The following PPFIA1 variants were observed in gnomAD, a reference collection of about 807,000 sequenced individuals.
PPFIA1 encodes the protein liprin-alpha-1.
PPFIA1 carries 25 observed loss-of-function variants against 149.9 expected under a neutral mutation model. That is an observed-to-expected ratio of 0.17 (90% CI 0.12 to 0.23). PPFIA1 has a LOEUF of 0.23. Ranked by LOEUF, PPFIA1 falls within the 10% of genes least tolerant of loss-of-function variation. The probability of loss-of-function intolerance (pLI) is 1.00; values close to 1 mark genes in which losing one functional copy is unlikely to be tolerated. For synonymous variants in PPFIA1, 549 were observed against 552.8 expected (o/e 0.99, Z 0.10); for missense variants, 1,362 against 1,506.5 (o/e 0.90, Z 1.59).
chr11:70,304,325 T>C (rs748910197), intron 2 of PPFIA1, among the ~76,000 whole-genome samples: 1 of 151,866 alleles, frequency 6.6e-6, no homozygotes, highest in South Asian at 2.1e-4. Flanking sequence ...GGGTCCTTTG[T>C]GATAGCCTTT....
intron 26 of PPFIA1, among the ~76,000 whole-genome samples, chr11:70,378,850 A>C (rs1180618249): frequency 6.6e-6 from 1 of 152,166 alleles, no homozygotes; most frequent in Non-Finnish European, 1.5e-5. Context: ...CTTTGATTTG[A>C]GGTTAACAGT....
chr11:70,314,567 C>T (rs1259463020), intron 2 of PPFIA1, among the ~76,000 whole-genome samples: 1 of 152,148 alleles, frequency 6.6e-6, no homozygotes, highest in Non-Finnish European at 1.5e-5. Flanking sequence ...GGGTAACCAG[C>T]ATCAGCAGCT....
intron 2 of PPFIA1, among the ~76,000 whole-genome samples, chr11:70,274,448 C>T (rs1360074207): frequency 6.6e-6 from 1 of 152,154 alleles, no homozygotes; most frequent in Non-Finnish European, 1.5e-5. Flanking sequence ...TCCCCCAGAG[C>T]TAACCAAGGT....
intron 23 of PPFIA1, chr11:70,374,573 G>C (rs2057404618): frequency 4.8e-6 from 1 of 209,750 alleles, no homozygotes; most frequent in African/African-American, 2.3e-5. Flanking sequence ...GTCTGTGTGT[G>C]AAGCATGTTT....
rs773023201 is a variant in PPFIA1 at position 70,326,662 on chromosome 11, C to T, written c.774C>T (p.Ile258=). Reference sequence around the variant, plus strand: ...CTAAAGTAATTGAGCTCCAAGAAATCATAAGTAAGCAGTCAAGGGAACAGA... The same window carrying T: ...CTAAAGTAATTGAGCTCCAAGAAATTATAAGTAAGCAGTCAAGGGAACAGA... ...DLAKVIELQE[I]ISKQSREQSQ... is the part of the protein sequence containing the mutation. The change falls in exon 7 of 28, where the codon ATC becomes ATT. Residue 258 remains isoleucine, a synonymous_variant. Coordinates refer to ENST00000253925, the MANE Select transcript of PPFIA1 (RefSeq NM_003626.5). The T allele has an allele frequency of 6.2e-6, 10 of 1,614,096 alleles. No homozygotes were observed. Among genetic ancestry groups the T allele is most frequent in the Middle Eastern group, 1.6e-4 (1 of 6,062 alleles).
chr11:70,325,610 G>A (rs199792490), intron 5 of PPFIA1, 36 bp downstream of exon 5: 5 of 1,444,534 alleles, frequency 3.5e-6, no homozygotes, highest in South Asian at 1.1e-5. Flanking sequence ...TGAATTGGGG[G>A]GGGGTTATTT....
At chr11:70,311,042 T>C (rs1022277525) in intron 2 of PPFIA1, among the ~76,000 whole-genome samples, 1 of 152,174 alleles carries the variant, frequency 6.6e-6, no homozygotes, top group Non-Finnish European at 1.5e-5. Context: ...TCTTGGAGGA[T>C]TTTTGTTAGC....
chr11:70,288,091 T>C (rs1021868934), intron 2 of PPFIA1, among the ~76,000 whole-genome samples: 15 of 151,968 alleles, frequency 9.9e-5, no homozygotes, highest in Admixed American at 2.6e-4. Context: ...TTTTTCTTTT[T>C]TGAGACGGAG....
At chr11:70,329,855 G>A (rs574843192) in intron 7 of PPFIA1, 16 of 242,962 alleles carry the variant, frequency 6.6e-5, no homozygotes, top group African/African-American at 3.6e-4. Flanking sequence ...TTGAGCCTGG[G>A]AAGTCAAGGC....
intron 2 of PPFIA1, among the ~76,000 whole-genome samples, chr11:70,286,354 C>G (rs924099482): frequency 2.0e-5 from 3 of 152,128 alleles, no homozygotes; most frequent in Non-Finnish European, 4.4e-5. Context: ...CGGGTTCAAG[C>G]GATTCTCCTC....
At chr11:70,374,266 C>T (rs1014795656) in intron 23 of PPFIA1, 1 of 152,138 alleles carries the variant, frequency 6.6e-6, no homozygotes, top group Non-Finnish European at 1.5e-5. Context: ...CCTCAGGAGG[C>T]TGAGGTGGGA....
chr11:70,360,758 G>A (rs1019391742), intron 19 of PPFIA1, among the ~76,000 whole-genome samples: 4 of 152,208 alleles, frequency 2.6e-5, no homozygotes, highest in Non-Finnish European at 4.4e-5. Context: ...ATGTATTGAA[G>A]AGCCAATATC....
chr11:70,284,558 G>A (rs1208438054), intron 2 of PPFIA1, among the ~76,000 whole-genome samples: 2 of 152,212 alleles, frequency 1.3e-5, no homozygotes, highest in Admixed American at 6.5e-5. Flanking sequence ...GCAGGTGCAG[G>A]TTGCGAGACA....
intron 19 of PPFIA1, among the ~76,000 whole-genome samples, chr11:70,361,090 TAG>T (rs1451484523): frequency 4.6e-5 from 7 of 152,220 alleles, no homozygotes; most frequent in African/African-American, 9.6e-5. Context: ...GGGGATTCTG[TAG>T]AGAGTCAGAG....
At chr11:70,311,767 ATAACT>A (rs1361921113) in intron 2 of PPFIA1, among the ~76,000 whole-genome samples, 3 of 151,754 alleles carry the variant, frequency 2.0e-5, no homozygotes, top group South Asian at 2.1e-4. Flanking sequence ...AAGAGGAATA[ATAACT>A]TAAGTGACAT....
chr11:70,330,274 T>C lies in PPFIA1; in HGVS notation c.1032T>C (p.Asp344=). ...REATSVHDLN[D]KLENEIANKD... is the part of the protein sequence containing the mutation. ...CCACATCTGTGCATGACCTCAATGA[T>C]AAACTTGAAAATGAAATTGCAAATA... The change falls in exon 8 of 28, where the codon GAT becomes GAC. Residue 344 remains aspartate, a synonymous_variant. Transcript: ENST00000253925. 1 of 1,583,230 alleles carries C rather than the reference T, an allele frequency of 6.3e-7. No individual in the cohort carries two copies. Among genetic ancestry groups the C allele is most frequent in the Non-Finnish European group, 8.6e-7 (1 of 1,169,412 alleles).
At chr11:70,275,180 G>C (rs900103337) in intron 2 of PPFIA1, among the ~76,000 whole-genome samples, 1 of 152,160 alleles carries the variant, frequency 6.6e-6, no homozygotes, top group Non-Finnish European at 1.5e-5. Flanking sequence ...TGAATTTGCT[G>C]CTCCCTGATG....
intron 21 of PPFIA1, 61 bp downstream of exon 21, chr11:70,362,549 A>G: frequency 3.4e-6 from 5 of 1,489,968 alleles, no homozygotes; most frequent in Non-Finnish European, 4.5e-6. Context: ...TGAAGGTATC[A>G]CTGCCCTGTT....
chr11:70,369,647 T>A (rs73521320), intron 21 of PPFIA1, among the ~76,000 whole-genome samples: 3,601 of 152,342 alleles, frequency 0.024, 160 homozygotes, highest in African/African-American at 0.083. Context: ...AACTTCAGGT[T>A]CTAATAGAGA....
Sources: gnomAD v4.1 joint callset for allele counts (sites outside exome capture counted in the v4.1 genomes callset) on GRCh38, gnomAD v4.1.1 for gene constraint, MANE v1.5 for transcripts, NCBI Gene and HGNC (gene_info 2026-07-23, HGNC 2026-07-21) for gene names.